ITGA8: variants seen among roughly 807,000 people sequenced by gnomAD.
ITGA8 encodes the protein integrin subunit alpha 8.
ITGA8 carries 91 observed loss-of-function variants against 142.3 expected under a neutral mutation model. The observed-to-expected ratio is 0.64, with a 90% CI of 0.54 to 0.76. The LOEUF is 0.76. Ranked by LOEUF, ITGA8 falls within the 30% of genes least tolerant of loss-of-function variation. The pLI is 0.00. For missense variants in ITGA8, 1,406 were observed against 1,327.7 expected (o/e 1.06, Z -0.92); for synonymous variants, 505 against 485.2 (o/e 1.04, Z -0.54).
chr10:15,658,863 C>A, intron 10 of ITGA8, 136 bp downstream of exon 10: 2 of 617,748 alleles, frequency 3.2e-6, no homozygotes, highest in Non-Finnish European at 5.6e-6. Flanking sequence ...ATTGCATCCC[C>A]GGTGCCTAGG....
chr10:15,622,597 CAAAACAAAAAA>C (rs1212382980), intron 13 of ITGA8, among the ~76,000 whole-genome samples: 5 of 79,572 alleles, frequency 6.3e-5, no homozygotes, highest in East Asian at 8.6e-4. Context: ...CAAAACAAAA[CAAAACAAAAAA>C]AAAACCACAT....
At chr10:15,696,652 A>C (rs1201217612) in intron 2 of ITGA8, among the ~76,000 whole-genome samples, 2 of 152,098 alleles carry the variant, frequency 1.3e-5, no homozygotes, top group African/African-American at 4.8e-5. Context: ...ACATATCCTA[A>C]TTTTATATGT....
At chr10:15,715,904 G>A (rs988445522) in intron 2 of ITGA8, among the ~76,000 whole-genome samples, 2 of 152,222 alleles carry the variant, frequency 1.3e-5, no homozygotes, top group Non-Finnish European at 2.9e-5. Context: ...TAGAGGGTGA[G>A]CAACCACTTG....
intron 2 of ITGA8, among the ~76,000 whole-genome samples, chr10:15,691,504 C>A (rs575859394): frequency 6.6e-6 from 1 of 152,126 alleles, no homozygotes; most frequent in African/African-American, 2.4e-5. Context: ...ACAATTTTGC[C>A]TTAAAAGAGG....
intron 12 of ITGA8, among the ~76,000 whole-genome samples, chr10:15,644,483 T>G (rs1833939406): frequency 1.6e-4 from 3 of 19,346 alleles, no homozygotes; most frequent in African/African-American, 3.2e-4. Context: ...TATATATATA[T>G]ATATATATAG....
intron 20 of ITGA8, among the ~76,000 whole-genome samples, chr10:15,602,457 C>T (rs147564514): frequency 7.0e-4 from 106 of 152,042 alleles, no homozygotes; most frequent in South Asian, 3.3e-3. Flanking sequence ...ACATAATTGG[C>T]GGGGCAAGGA....
intron 28 of ITGA8, 111 bp from the exon 29 acceptor site, chr10:15,519,523 A>C: frequency 8.7e-7 from 1 of 1,145,644 alleles, no homozygotes; most frequent in Non-Finnish European, 1.3e-6. Flanking sequence ...CCATATGACA[A>C]TTGAAATCAT....
intron 21 of ITGA8, among the ~76,000 whole-genome samples, chr10:15,594,222 T>C (rs1188672143): frequency 6.6e-6 from 1 of 152,036 alleles, no homozygotes; most frequent in Admixed American, 6.6e-5. Flanking sequence ...AGCTTTTTCT[T>C]GCCTTTTCTA....
chr10:15,659,120 T>C (rs1352049379), intron 9 of ITGA8, 65 bp from the exon 10 acceptor site: 1 of 1,110,422 alleles, frequency 9.0e-7, no homozygotes, highest in Non-Finnish European at 1.3e-6. Context: ...TTTTAAAAAC[T>C]ACAACTTGAA....
At chr10:15,555,856 C>T (rs1185030049) in intron 26 of ITGA8, among the ~76,000 whole-genome samples, 2 of 151,680 alleles carry the variant, frequency 1.3e-5, no homozygotes, top group African/African-American at 2.4e-5. Context: ...CCACCACGCC[C>T]GGATAATTTT....
rs10159618 is a variant in ITGA8 at position 15,650,019 on chromosome 10, C to T, written c.1002-2968G>A. Among the ~76,000 whole-genome samples the T allele has an allele frequency of 3.4e-3, 516 of 152,286 alleles. 2 individuals are homozygous for T. The highest frequency in any genetic ancestry group is 0.012 in the African/African-American group (491 of 41,548). On this transcript the variant is annotated intron_variant, in intron 11 of 29. Transcript: ENST00000378076. Reference sequence around the variant, plus strand: ...AATGTGCATAGAATAATTGCCCAAACTTGGAAGCAACCAAGATACTCTTCA... The same window carrying T: ...AATGTGCATAGAATAATTGCCCAAATTTGGAAGCAACCAAGATACTCTTCA...
rs1286467907 is a variant in ITGA8, at chr10:15,672,708, A to G, written c.718T>C (p.Tyr240His). The G allele has an allele frequency of 6.2e-7, 1 of 1,613,558 alleles. No individual in the cohort carries two copies. Among genetic ancestry groups the G allele is most frequent in the East Asian group, 2.2e-5 (1 of 44,828 alleles). ...TTCCTGAGGATATCCTTGAATGAGT[A>G]ATTTGCAATGATATCTGCAACACTG... is the stretch of plus-strand genomic sequence containing the variant. ...TASVADIIAN[Y>H]SFKDILRKLA... The change falls in exon 7 of 30, where the codon TAC becomes CAC. Residue 240 changes from tyrosine to histidine, a missense_variant. Physicochemically the swap from Tyr to His is moderately conservative, Grantham distance 83 (BLOSUM62 2). Transcript: ENST00000378076.
chr10:15,628,923 C>A (rs12780530), intron 13 of ITGA8, among the ~76,000 whole-genome samples: 26,432 of 151,890 alleles, frequency 0.17, 2,726 homozygotes, highest in East Asian at 0.3. Flanking sequence ...CAAATTGTCT[C>A]TACAACAATC....
intron 2 of ITGA8, among the ~76,000 whole-genome samples, chr10:15,694,333 CAT>C (rs1198389056): frequency 2.4e-5 from 3 of 124,394 alleles, no homozygotes; most frequent in African/African-American, 9.7e-5. Flanking sequence ...GATAATATAT[CAT>C]ATATCAGATA....
chr10:15,639,196 G>A (rs1205033816), intron 13 of ITGA8, among the ~76,000 whole-genome samples: 1 of 152,056 alleles, frequency 6.6e-6, no homozygotes, highest in Non-Finnish European at 1.5e-5. Flanking sequence ...CACCATGGCA[G>A]GAACCACACA....
In ITGA8 at chr10:15,672,713, G is replaced by T; in HGVS notation, c.713C>A (p.Ala238Glu). Residue 238 changes from alanine (A) to glutamate (E), a missense_variant, in exon 7 of 30, where the codon GCA (alanine) becomes GAA (glutamate). By Grantham distance (107) the Ala-to-Glu change is moderately radical (BLOSUM62 -1). Coordinates refer to ENST00000378076, the MANE Select transcript of ITGA8 (RefSeq NM_003638.3). ...VITASVADIIANYSFKDILRK... is the reference protein window; with the variant it reads ...VITASVADIIENYSFKDILRK... ...GAGGATATCCTTGAATGAGTAATTTGCAATGATATCTGCAACACTGGCAGT... is the reference window on the plus strand; with the variant it reads ...GAGGATATCCTTGAATGAGTAATTTTCAATGATATCTGCAACACTGGCAGT... The T allele has an allele frequency of 1.2e-6, 2 of 1,613,352 alleles. No individual in the cohort carries two copies.
chr10:15,594,340 T>G (rs1180008642), intron 21 of ITGA8, among the ~76,000 whole-genome samples: 1 of 152,098 alleles, frequency 6.6e-6, no homozygotes, highest in Non-Finnish European at 1.5e-5. Context: ...CTCCTTTTTA[T>G]TCTCTGTCTC....
chr10:15,536,670 C>T (rs188529370), intron 27 of ITGA8, among the ~76,000 whole-genome samples: 78 of 152,288 alleles, frequency 5.1e-4, no homozygotes, highest in African/African-American at 1.8e-3. Flanking sequence ...CAATGAGGAC[C>T]TTCGTCTTGC....
intron 8 of ITGA8, 42 bp from the exon 9 acceptor site, chr10:15,660,964 C>A: frequency 7.1e-7 from 1 of 1,418,420 alleles, no homozygotes; most frequent in South Asian, 1.1e-5. Flanking sequence ...ATTACTCACA[C>A]ACACAAACAC....
Sources: gnomAD v4.1 joint callset for allele counts (sites outside exome capture counted in the v4.1 genomes callset) on GRCh38, gnomAD v4.1.1 for gene constraint, MANE v1.5 for transcripts, NCBI Gene and HGNC (gene_info 2026-07-23, HGNC 2026-07-21) for gene names.